Variants in GPR158 observed in about 807,000 individuals in gnomAD.
The protein encoded by GPR158 is G protein-coupled receptor 158.
In GPR158, 30 loss-of-function variants were observed where a neutral mutation model predicts 78.2. That is an observed-to-expected ratio of 0.38 (90% CI 0.29 to 0.52). The LOEUF (loss-of-function observed/expected upper bound fraction) is 0.52, where lower values mean the gene tolerates loss of function less well. Ranked by LOEUF, GPR158 falls within the 20% of genes least tolerant of loss-of-function variation. The probability of loss-of-function intolerance (pLI) is 0.83; values close to 1 mark genes in which losing one functional copy is unlikely to be tolerated. For missense variants in GPR158, 1,463 were observed against 1,523.5 expected (o/e 0.96, Z 0.66); for synonymous variants, 581 against 591.1 (o/e 0.98, Z 0.25).
intron 2 of GPR158, among the ~76,000 whole-genome samples, chr10:25,257,193 G>A (rs1331259111): frequency 6.6e-6 from 1 of 152,154 alleles, no homozygotes; most frequent in African/African-American, 2.4e-5. Context: ...AGAGAAATGG[G>A]CTGAACTCAC....
chr10:25,350,818 T>C (rs1855449445), intron 2 of GPR158, among the ~76,000 whole-genome samples: 1 of 152,018 alleles, frequency 6.6e-6, no homozygotes, highest in African/African-American at 2.4e-5. Context: ...CGACCTCCTA[T>C]ATATCAAGGA....
intron 2 of GPR158, among the ~76,000 whole-genome samples, chr10:25,351,779 G>A (rs1484148704): frequency 1.3e-5 from 2 of 148,982 alleles, no homozygotes; most frequent in African/African-American, 2.5e-5. Flanking sequence ...CCGTGTGCAC[G>A]ATGTGCAGGT....
At chr10:25,406,744 A>C (rs915789895) in intron 3 of GPR158, among the ~76,000 whole-genome samples, 2 of 151,868 alleles carry the variant, frequency 1.3e-5, no homozygotes, top group Admixed American at 6.6e-5. Flanking sequence ...GCTGGTTTTC[A>C]TTTTCTTTCC....
chr10:25,251,368 G>A (rs555104580), intron 2 of GPR158, among the ~76,000 whole-genome samples: 107 of 150,630 alleles, frequency 7.1e-4, no homozygotes, highest in South Asian at 2.3e-3. Flanking sequence ...GATGTTAGCT[G>A]GTGATTTTGC....
chr10:25,309,185 G>C (rs1854726331), intron 2 of GPR158, among the ~76,000 whole-genome samples: 1 of 151,514 alleles, frequency 6.6e-6, no homozygotes, highest in African/African-American at 2.4e-5. Context: ...GTGCATAAGA[G>C]TTTCAACTTT....
chr10:25,372,251 C>G (rs1169117268), intron 2 of GPR158, among the ~76,000 whole-genome samples: 17 of 152,018 alleles, frequency 1.1e-4, no homozygotes, highest in South Asian at 1.0e-3. Flanking sequence ...CACTTTTACA[C>G]TGTTGGTGGG....
At chr10:25,564,435 C>T (rs1344722281) in intron 6 of GPR158, among the ~76,000 whole-genome samples, 2 of 152,162 alleles carry the variant, frequency 1.3e-5, no homozygotes, top group Non-Finnish European at 2.9e-5. Flanking sequence ...TTGTCTTAAC[C>T]ATTATTCATT....
intron 2 of GPR158, among the ~76,000 whole-genome samples, chr10:25,288,827 C>A (rs1422661358): frequency 6.6e-6 from 1 of 152,172 alleles, no homozygotes; most frequent in Non-Finnish European, 1.5e-5. Flanking sequence ...TCTTGCTAGT[C>A]CTCTCAAAGA....
chr10:25,427,212 G>C (rs918568288), intron 4 of GPR158, among the ~76,000 whole-genome samples: 1 of 152,056 alleles, frequency 6.6e-6, no homozygotes, highest in Non-Finnish European at 1.5e-5. Context: ...GGGTGTGAAG[G>C]GTGTTGGGAG....
chr10:25,179,781 C>T (rs893779322), intron 1 of GPR158, among the ~76,000 whole-genome samples: 1 of 152,064 alleles, frequency 6.6e-6, no homozygotes, highest in Non-Finnish European at 1.5e-5. Context: ...GGTATGAACA[C>T]TTGGTTCTCA....
chr10:25,430,119 C>G (rs1466754428), intron 4 of GPR158, among the ~76,000 whole-genome samples: 1 of 151,780 alleles, frequency 6.6e-6, no homozygotes, highest in Non-Finnish European at 1.5e-5. Context: ...ACCCCACTGT[C>G]TCAGCCCAAA....
rs75565417 is a variant in GPR158 at position 25,558,843 on chromosome 10, C to G, written c.1514+7758C>G. Reference sequence around the variant, plus strand: ...TTGATTTACAATTTCATTCCATTGTCGTGAGAGCACGTACCTTGTGTGACT... The same window carrying G: ...TTGATTTACAATTTCATTCCATTGTGGTGAGAGCACGTACCTTGTGTGACT... On this transcript the variant is annotated intron_variant, in intron 6 of 10. Coordinates refer to ENST00000376351, the MANE Select transcript of GPR158 (RefSeq NM_020752.3). Among the ~76,000 whole-genome samples the G allele has an allele frequency of 6.6e-4, 101 of 152,288 alleles. 1 individual carries two copies. The highest frequency in any genetic ancestry group is 2.4e-3 in the African/African-American group (99 of 41,560).
intron 2 of GPR158, among the ~76,000 whole-genome samples, chr10:25,233,450 A>G (rs531430278): frequency 6.6e-6 from 1 of 152,162 alleles, no homozygotes; most frequent in Admixed American, 6.5e-5. Context: ...AGTTGATTCT[A>G]TATTTACATT....
At chr10:25,485,232 T>C (rs1362287352) in intron 5 of GPR158, among the ~76,000 whole-genome samples, 1 of 150,202 alleles carries the variant, frequency 6.7e-6, no homozygotes, top group African/African-American at 2.4e-5. Flanking sequence ...GTTGCAAGTA[T>C]TTTTTTTTAA....
chr10:25,246,287 T>A (rs1017247606), intron 2 of GPR158, among the ~76,000 whole-genome samples: 3 of 152,146 alleles, frequency 2.0e-5, no homozygotes, highest in Non-Finnish European at 4.4e-5. Flanking sequence ...TGGAAAGCCA[T>A]GACATCTTTG....
At chr10:25,512,774 G>T (rs189286223) in intron 5 of GPR158, among the ~76,000 whole-genome samples, 25 of 151,354 alleles carry the variant, frequency 1.7e-4, no homozygotes, top group Non-Finnish European at 2.1e-4. Flanking sequence ...CTTTTTCTAT[G>T]TCTATTGACA....
intron 4 of GPR158, among the ~76,000 whole-genome samples, chr10:25,433,690 CTTTCTTTTTTT>C (rs1385257750): frequency 1.8e-4 from 17 of 93,264 alleles, no homozygotes; most frequent in Admixed American, 1.6e-3. Context: ...TTCTTTCTTT[CTTTCTTTTTTT>C]TTTTTTTTTT....
At chr10:25,345,841 T>C (rs1342943006) in intron 2 of GPR158, among the ~76,000 whole-genome samples, 2 of 151,794 alleles carry the variant, frequency 1.3e-5, no homozygotes, top group Non-Finnish European at 2.9e-5. Flanking sequence ...CCAGACGAGG[T>C]CTAGGATCAT....
At chr10:25,379,283 G>A (rs190350577) in intron 2 of GPR158, among the ~76,000 whole-genome samples, 1 of 152,120 alleles carries the variant, frequency 6.6e-6, no homozygotes, top group Non-Finnish European at 1.5e-5. Flanking sequence ...GTCAGGCATC[G>A]TGTTGTTACA....
Sources: gnomAD v4.1 joint callset for allele counts (sites outside exome capture counted in the v4.1 genomes callset) on GRCh38, gnomAD v4.1.1 for gene constraint, MANE v1.5 for transcripts, NCBI Gene and HGNC (gene_info 2026-07-23, HGNC 2026-07-21) for gene names.